NAV3: variants seen among roughly 807,000 people sequenced by gnomAD.
NAV3 encodes neuron navigator 3, also known as pore membrane and/or filament interacting like protein 1.
NAV3 carries 87 observed loss-of-function variants against 244.7 expected under a neutral mutation model. The ratio of observed to expected loss-of-function variants is 0.36; its 90% confidence interval spans 0.30 to 0.42. NAV3 has a LOEUF of 0.42. Ranked by LOEUF, NAV3 falls within the 20% of genes least tolerant of loss-of-function variation. The pLI is 1.00. For missense variants in NAV3, 2,663 were observed against 2,893.3 expected (o/e 0.92, Z 1.83); for synonymous variants, 1,126 against 1,042.2 (o/e 1.08, Z -1.55).
chr12:78,195,097 T>A (rs1959145053), intron 34 of NAV3, among the ~76,000 whole-genome samples: 1 of 152,062 alleles, frequency 6.6e-6, no homozygotes, highest in African/African-American at 2.4e-5. Context: ...CTTTCACATT[T>A]CTGTTTCCTT....
At chr12:78,080,877 A>T (rs575686641) in intron 12 of NAV3, among the ~76,000 whole-genome samples, 1 of 152,354 alleles carries the variant, frequency 6.6e-6, no homozygotes, top group South Asian at 2.1e-4. Flanking sequence ...TGCTTGTCTT[A>T]TGACTTTATT....
At chr12:77,762,084 C>A (rs939462125) in intron 2 of NAV3, among the ~76,000 whole-genome samples, 3 of 152,282 alleles carry the variant, frequency 2.0e-5, no homozygotes, top group Admixed American at 2.0e-4. Flanking sequence ...TACACCATGG[C>A]AGACTATGCA....
intron 2 of NAV3, among the ~76,000 whole-genome samples, chr12:77,659,125 A>C (rs1160904782): frequency 1.3e-5 from 2 of 151,796 alleles, no homozygotes; most frequent in African/African-American, 4.9e-5. Flanking sequence ...TAATTAAACT[A>C]AAGAGCTTCT....
At chr12:77,743,603 A>G (rs909569482) in intron 2 of NAV3, among the ~76,000 whole-genome samples, 8 of 151,904 alleles carry the variant, frequency 5.3e-5, no homozygotes, top group African/African-American at 1.9e-4. Flanking sequence ...GTATTCATAA[A>G]ATGAAATACT....
At chr12:78,086,569 G>A (rs1953649456) in intron 12 of NAV3, among the ~76,000 whole-genome samples, 1 of 151,912 alleles carries the variant, frequency 6.6e-6, no homozygotes, top group African/African-American at 2.4e-5. Context: ...TGGACAATGT[G>A]GATACTATTT....
chr12:78,193,974 A>G (rs1464675873), intron 34 of NAV3, among the ~76,000 whole-genome samples: 1 of 151,664 alleles, frequency 6.6e-6, no homozygotes, highest in African/African-American at 2.4e-5. Context: ...ATTGCTTTTC[A>G]GTTTTTTTCT....
At chr12:77,820,544 A>G (rs1872696646) in intron 2 of NAV3, among the ~76,000 whole-genome samples, 1 of 152,206 alleles carries the variant, frequency 6.6e-6, no homozygotes, top group South Asian at 2.1e-4. Context: ...TTGAGGATTA[A>G]GTTTCAACAT....
rs570985360 is a variant in NAV3 at position 77,794,097 on chromosome 12, G to T, written c.73-146222G>T. On this transcript the variant is annotated intron_variant, in intron 2 of 8. Coordinates refer to the NAV3 transcript ENST00000550042. Reference sequence around the variant, plus strand: ...AGTGATGATGAGCTTTTTTTCATATGTTTCTTGGCCATGTAAATGTCTTCT... The same window carrying T: ...AGTGATGATGAGCTTTTTTTCATATTTTTCTTGGCCATGTAAATGTCTTCT... Among the ~76,000 whole-genome samples, 6 of 152,110 alleles carry T rather than the reference G, an allele frequency of 3.9e-5. No homozygotes were observed. In the South Asian group the frequency reaches 1.2e-3, roughly 32 times the overall value.
At position 77,736,217 on chromosome 12, in the gene NAV3, C is replaced by T. The variant is rs976323682; in HGVS notation, c.72+163951C>T. On this transcript the variant is annotated intron_variant, in intron 2 of 8. Coordinates refer to the NAV3 transcript ENST00000550042. ...AAATACTCAGTCAAGTTCTATTAAACCAATTTTATTCTAGCGAAGGTCAAT... is the reference window on the plus strand; with the variant it reads ...AAATACTCAGTCAAGTTCTATTAAATCAATTTTATTCTAGCGAAGGTCAAT... 5.9e-5 allele frequency among the ~76,000 whole-genome samples: 9 copies of T among 152,258 alleles called. No individual in the cohort carries two copies. In the East Asian group the frequency reaches 1.5e-3, roughly 26 times the overall value.
At chr12:77,599,674 T>A (rs1479431847) in intron 2 of NAV3, among the ~76,000 whole-genome samples, 1 of 151,848 alleles carries the variant, frequency 6.6e-6, no homozygotes, top group Non-Finnish European at 1.5e-5. Context: ...TTTTTTATCA[T>A]CAGTTATCAT....
chr12:78,148,731 T>C (rs1956960154), intron 21 of NAV3, 111 bp from the exon 22 acceptor site: 1 of 836,786 alleles, frequency 1.2e-6, no homozygotes, highest in Non-Finnish European at 1.9e-6. Flanking sequence ...TTGCTGCTGA[T>C]ACAATGGGGT....
At chr12:77,936,417 T>G (rs1331412366) in intron 1 of NAV3, among the ~76,000 whole-genome samples, 2 of 152,204 alleles carry the variant, frequency 1.3e-5, no homozygotes, top group African/African-American at 4.8e-5. Flanking sequence ...CGAAGAAGAC[T>G]GGCTTCAGAT....
At chr12:77,984,927 C>T (rs950007570) in intron 5 of NAV3, among the ~76,000 whole-genome samples, 9 of 152,182 alleles carry the variant, frequency 5.9e-5, no homozygotes, top group African/African-American at 2.2e-4. Context: ...AGCGATTCTC[C>T]TGCCTCAGCC....
intron 9 of NAV3, among the ~76,000 whole-genome samples, chr12:78,022,447 A>C (rs1877317589): frequency 6.6e-6 from 1 of 152,114 alleles, no homozygotes; most frequent in Non-Finnish European, 1.5e-5. Flanking sequence ...GTTTAATTTC[A>C]TTACATATAG....
At chr12:77,783,364 G>A (rs1257276926) in intron 2 of NAV3, 1 of 152,060 alleles carries the variant, frequency 6.6e-6, no homozygotes, top group Non-Finnish European at 1.5e-5. Flanking sequence ...GTATCTGGCA[G>A]CCACATTCTC....
chr12:77,670,474 A>T (rs931362592), intron 2 of NAV3, among the ~76,000 whole-genome samples: 1 of 152,004 alleles, frequency 6.6e-6, no homozygotes, highest in Non-Finnish European at 1.5e-5. Context: ...AAACTAGGGA[A>T]AGACAGCAAA....
intron 2 of NAV3, among the ~76,000 whole-genome samples, chr12:77,606,113 C>T (rs903504748): frequency 5.0e-4 from 76 of 152,224 alleles, no homozygotes; most frequent in Non-Finnish European, 1.0e-4. Context: ...AAAATGAGCA[C>T]TTGGTAATGG....
chr12:78,017,878 G>A (rs760886005), intron 8 of NAV3, among the ~76,000 whole-genome samples: 4 of 152,070 alleles, frequency 2.6e-5, no homozygotes, highest in African/African-American at 9.7e-5. Flanking sequence ...TTACCAGTTG[G>A]CATTGATTGA....
chr12:77,835,285 G>A (rs926792119), intron 1 of NAV3, among the ~76,000 whole-genome samples: 2 of 152,204 alleles, frequency 1.3e-5, no homozygotes, highest in African/African-American at 4.8e-5. Context: ...GTTCTAGGCA[G>A]CCATGTGCTC....
Sources: allele counts gnomAD v4.1 joint callset (sites outside exome capture counted in the v4.1 genomes callset), GRCh38; gene constraint gnomAD v4.1.1; transcripts MANE v1.5; gene names NCBI Gene and HGNC (gene_info 2026-07-23, HGNC 2026-07-21).